CHAT: variants seen among roughly 807,000 people sequenced by gnomAD.
CHAT encodes the protein acetyl CoA:choline O-acetyltransferase.
A neutral mutation model predicts 76.9 loss-of-function variants in CHAT; 61 were observed. That is an observed-to-expected ratio of 0.79 (90% CI 0.65 to 0.98). The LOEUF is 0.98. Among genes scored for constraint, CHAT ranks in the 50% least tolerant of loss-of-function variants. The pLI is 0.00. For synonymous variants in CHAT, 407 were observed against 397.4 expected, an observed-to-expected ratio of 1.02 and a Z score of -0.29; for missense variants, 946 against 986.9, an observed-to-expected ratio of 0.96 and a Z score of 0.56.
chr10:49,621,727 C>T (rs1455074873), intron 4 of CHAT, among the ~76,000 whole-genome samples: 1 of 152,184 alleles, frequency 6.6e-6, no homozygotes, highest in African/African-American at 2.4e-5. Context: ...GTCTCCCTCT[C>T]TGCTCCCTCT....
intron 7 of CHAT, among the ~76,000 whole-genome samples, chr10:49,633,475 G>C (rs1383640336): frequency 1.3e-5 from 2 of 152,172 alleles, no homozygotes; most frequent in African/African-American, 4.8e-5. Context: ...AGCAGGATCT[G>C]ACACTGGAAG....
intron 2 of CHAT, among the ~76,000 whole-genome samples, chr10:49,617,246 G>A (rs1838531314): frequency 5.3e-5 from 8 of 150,354 alleles, no homozygotes; most frequent in Admixed American, 4.0e-4. Context: ...TTCTCCCCAA[G>A]AAGCTGTTCA....
intron 4 of CHAT, 64 bp downstream of exon 4, chr10:49,620,677 A>C: frequency 1.5e-6 from 2 of 1,315,488 alleles, no homozygotes; most frequent in Non-Finnish European, 2.2e-6. Flanking sequence ...CCCTTACCCC[A>C]GTGCCAGCAA....
In CHAT at chr10:49,666,330, T is replaced by C. The variant is rs1048366607; in HGVS notation, c.*1284T>C. Among the ~76,000 whole-genome samples, 4 of 151,906 alleles carry C rather than the reference T, an allele frequency of 2.6e-5. No individual in the cohort carries two copies. The South Asian group carries it at 6.3e-4, about 24-fold the overall frequency. ...GACAGGCAGGTCAGCAGAGGCAGAG[T>C]TGAGATGTCTCCAGAGACTGTGATC... On this transcript the variant is annotated 3_prime_UTR_variant, in exon 15 of 15. Transcript: ENST00000337653.
rs1458230921 is a variant in CHAT, at chr10:49,614,468, G to C, written c.279G>C (p.Arg93Ser). 3.2e-6 allele frequency: 5 copies of C among 1,546,110 alleles called. No individual in the cohort carries two copies. Among genetic ancestry groups the C allele is most frequent in the Non-Finnish European group, 4.4e-6 (5 of 1,147,010 alleles). Residue 93 changes from arginine to serine, a missense_variant, in exon 1 of 15, where the codon AGG becomes AGC. Coordinates refer to ENST00000337653, the MANE Select transcript of CHAT (RefSeq NM_020549.5). ...GAASAEAAEP[R>S]RAGPHLCIPA... Reference sequence around the variant, plus strand: ...CGTCGGCCGAGGCAGCAGAGCCGAGGAGAGCAGGTGAGAAGAAGGGCTGGG... The same window carrying C: ...CGTCGGCCGAGGCAGCAGAGCCGAGCAGAGCAGGTGAGAAGAAGGGCTGGG...
chr10:49,625,710 T>C, intron 6 of CHAT, 57 bp downstream of exon 6: 1 of 1,498,682 alleles, frequency 6.7e-7, no homozygotes, highest in Admixed American at 2.0e-5. Context: ...GGCCATGCGT[T>C]CACGTCCATT....
chr10:49,630,272 G>A (rs985858466), intron 7 of CHAT, among the ~76,000 whole-genome samples: 4 of 152,152 alleles, frequency 2.6e-5, no homozygotes, highest in Admixed American at 6.5e-5. Flanking sequence ...AGGTAGAGAA[G>A]GATGCAAAGG....
At position 49,620,520 on chromosome 10, in the gene CHAT, T is replaced by G. The variant is rs376808313; in HGVS notation, c.605T>G (p.Met202Arg). 86 of 1,613,622 alleles carry G rather than the reference T, an allele frequency of 5.3e-5. No individual in the cohort carries two copies. In the African/African-American group the frequency reaches 1.1e-3, roughly 20 times the overall value. Reference sequence around the variant, plus strand: ...GTGTCTGAGTACTGGCTGAATGACATGTATCTCAACAACCGCCTGGCCCTG... The same window carrying G: ...GTGTCTGAGTACTGGCTGAATGACAGGTATCTCAACAACCGCCTGGCCCTG... ...NWVSEYWLNDMYLNNRLALPV... is the reference protein window; with the variant it reads ...NWVSEYWLNDRYLNNRLALPV... The change falls in exon 4 of 15, where the codon ATG becomes AGG. Residue 202 changes from methionine (M) to arginine (R), a missense_variant. By Grantham distance (91) the Met-to-Arg change is moderately conservative. Transcript: ENST00000337653.
chr10:49,638,230 T>G (rs76881621), intron 7 of CHAT, among the ~76,000 whole-genome samples: 3 of 152,240 alleles, frequency 2.0e-5, no homozygotes, highest in Non-Finnish European at 4.4e-5. Flanking sequence ...TAAAGTGTAC[T>G]TTACCTGACA....
At chr10:49,625,768 C>G (rs1462027274) in intron 6 of CHAT, 115 bp downstream of exon 6, 2 of 1,115,486 alleles carry the variant, frequency 1.8e-6, no homozygotes, top group African/African-American at 3.1e-5. Context: ...ACACAGGGAG[C>G]TGGGGCACCA....
rs1279922556 is a variant in CHAT at position 49,648,496 on chromosome 10, T to C, written c.1282-11T>C. On this transcript the variant is annotated splice_polypyrimidine_tract_variant and intron_variant, in intron 8 of 14. Transcript: ENST00000337653. ...CTCCCATGATCGCCCACTCCCTCTTTCCTGTTGCAGTTTGTGGTGGGCCGA... is the reference window on the plus strand; with the variant it reads ...CTCCCATGATCGCCCACTCCCTCTTCCCTGTTGCAGTTTGTGGTGGGCCGA... The C allele has an allele frequency of 7.4e-6, 12 of 1,610,946 alleles. No homozygotes were observed. The highest frequency in any genetic ancestry group is 1.0e-5 in the Non-Finnish European group (12 of 1,177,540).
upstream of CHAT, chr10:49,612,195 G>A (rs751093639): frequency 5.6e-6 from 9 of 1,609,122 alleles, no homozygotes; most frequent in Admixed American, 5.0e-5. Flanking sequence ...GCGATGTGCT[G>A]CTTGATGAGC....
At chr10:49,656,350 G>A (rs1483405663) in intron 13 of CHAT, among the ~76,000 whole-genome samples, 1 of 142,050 alleles carries the variant, frequency 7.0e-6, no homozygotes, top group East Asian at 2.1e-4. Context: ...CTGGGTGCTA[G>A]GAAACAAAAT....
At chr10:49,629,230 G>A (rs1839030500) in intron 7 of CHAT, among the ~76,000 whole-genome samples, 1 of 152,236 alleles carries the variant, frequency 6.6e-6, no homozygotes, top group African/African-American at 2.4e-5. Context: ...CACAGTCTGG[G>A]CCCAGTTACA....
At chr10:49,611,742 C>A, upstream of CHAT, 1 of 1,604,772 alleles carries the variant, frequency 6.2e-7, no homozygotes, top group Non-Finnish European at 8.5e-7. Context: ...GGCTGCCGGC[C>A]TTCGTGCCTC....
At chr10:49,609,687 A>G (rs1273573018), upstream of CHAT, among the ~76,000 whole-genome samples, 9 of 151,776 alleles carry the variant, frequency 5.9e-5, no homozygotes, top group African/African-American at 2.2e-4. Flanking sequence ...GGTGGGTCAG[A>G]GCCAGGCCAG....
At chr10:49,639,088 A>T (rs1248870847) in intron 7 of CHAT, among the ~76,000 whole-genome samples, 1 of 152,062 alleles carries the variant, frequency 6.6e-6, no homozygotes, top group Non-Finnish European at 1.5e-5. Context: ...TACAAAAATT[A>T]GCCTGGCGTG....
At chr10:49,656,264 C>T (rs1279070685) in intron 13 of CHAT, among the ~76,000 whole-genome samples, 1 of 146,484 alleles carries the variant, frequency 6.8e-6, no homozygotes, top group Non-Finnish European at 1.5e-5. Context: ...AACATAGCAC[C>T]CACTCATGTA....
At chr10:49,636,766 A>G (rs1446820724) in intron 7 of CHAT, among the ~76,000 whole-genome samples, 1 of 152,194 alleles carries the variant, frequency 6.6e-6, no homozygotes, top group Admixed American at 6.5e-5. Flanking sequence ...CCTACTGCTT[A>G]AGGTCATCAC....
Sources: gnomAD v4.1 joint callset for allele counts (sites outside exome capture counted in the v4.1 genomes callset) on GRCh38, gnomAD v4.1.1 for gene constraint, MANE v1.5 for transcripts, NCBI Gene and HGNC (gene_info 2026-07-23, HGNC 2026-07-21) for gene names.